PLXNA4: variants seen among roughly 807,000 people sequenced by gnomAD.
PLXNA4 encodes the protein plexin A4.
Under a neutral mutation model 191.8 loss-of-function variants are expected in PLXNA4, and 44 were observed. The observed-to-expected ratio is 0.23, with a 90% confidence interval of 0.18 to 0.29. The LOEUF is 0.29. Among genes scored for constraint, PLXNA4 ranks in the 10% least tolerant of loss-of-function variants. The pLI is 1.00. For missense variants in PLXNA4, 1,800 were observed against 2,488.8 expected, an observed-to-expected ratio of 0.72 and a Z score of 5.89; for synonymous variants, 1,082 against 1,009.5, an observed-to-expected ratio of 1.07 and a Z score of -1.36.
chr7:132,525,548 A>C (rs1050971168), intron 1 of PLXNA4, among the ~76,000 whole-genome samples: 2 of 152,216 alleles, frequency 1.3e-5, no homozygotes, highest in African/African-American at 4.8e-5. Context: ...GGTTTTTAAT[A>C]AAGATCCATT....
intron 20 of PLXNA4, among the ~76,000 whole-genome samples, chr7:132,177,790 G>A (rs1052083646): frequency 3.3e-5 from 5 of 152,182 alleles, no homozygotes; most frequent in Non-Finnish European, 5.9e-5. Context: ...ATTAAGCAGC[G>A]TAAATATAAT....
At chr7:132,578,743 C>T (rs961267313), upstream of PLXNA4, among the ~76,000 whole-genome samples, 1 of 152,138 alleles carries the variant, frequency 6.6e-6, no homozygotes, top group South Asian at 2.1e-4. Context: ...AAAGGATATT[C>T]CAGGAGACAG....
At chr7:132,189,017 A>AAAGGAAAG (rs1562909056) in intron 14 of PLXNA4, among the ~76,000 whole-genome samples, 81 of 89,576 alleles carry the variant, frequency 9.0e-4, no homozygotes, top group African/African-American at 3.0e-3. Context: ...AGAGAGAGAG[A>AAAGGAAAG]GAGAGAGAGA....
chr7:132,266,090 A>G (rs1269318069), intron 4 of PLXNA4, among the ~76,000 whole-genome samples: 1 of 152,110 alleles, frequency 6.6e-6, no homozygotes, highest in African/African-American at 2.4e-5. Flanking sequence ...CTGGGCTGGA[A>G]CCCAAACTGA....
At chr7:132,321,224 T>G (rs577948293) in intron 3 of PLXNA4, among the ~76,000 whole-genome samples, 2 of 152,306 alleles carry the variant, frequency 1.3e-5, no homozygotes, top group Admixed American at 6.5e-5. Context: ...TGGCAGGGGT[T>G]GGTTAAGTTA....
At chr7:132,177,347 T>C (rs1389447477) in intron 20 of PLXNA4, among the ~76,000 whole-genome samples, 5 of 152,222 alleles carry the variant, frequency 3.3e-5, no homozygotes, top group African/African-American at 1.2e-4. Context: ...TGAGTTTGTG[T>C]AGAGGACGTC....
At chr7:132,534,095 A>C (rs1369658116) in intron 1 of PLXNA4, among the ~76,000 whole-genome samples, 4 of 152,122 alleles carry the variant, frequency 2.6e-5, no homozygotes, top group Non-Finnish European at 5.9e-5. Flanking sequence ...GAAAAGAAAA[A>C]AGGCCAGTGA....
At chr7:132,513,685 G>GTTTTGTTTTGTTTTA (rs2116307983) in intron 1 of PLXNA4, among the ~76,000 whole-genome samples, 1 of 152,228 alleles carries the variant, frequency 6.6e-6, no homozygotes, top group African/African-American at 2.4e-5. Context: ...GTTTTGTTTT[G>GTTTTGTTTTGTTTTA]TTTTTGAGAT....
chr7:132,422,878 C>T (rs1442623986), intron 3 of PLXNA4, among the ~76,000 whole-genome samples: 3 of 152,208 alleles, frequency 2.0e-5, no homozygotes, highest in Non-Finnish European at 2.9e-5. Flanking sequence ...GATGGACAAA[C>T]GTGCTGGCCT....
chr7:132,438,814 T>C (rs1585135928), intron 3 of PLXNA4, among the ~76,000 whole-genome samples: 1 of 152,328 alleles, frequency 6.6e-6, no homozygotes, highest in East Asian at 1.9e-4. Context: ...CAATCATCCT[T>C]ATAGCTGATT....
intron 3 of PLXNA4, among the ~76,000 whole-genome samples, chr7:132,421,058 A>G (rs1794834075): frequency 1.3e-5 from 2 of 152,130 alleles, no homozygotes; most frequent in African/African-American, 4.8e-5. Context: ...TCATCTTCCC[A>G]AACTAAAACT....
At chr7:132,513,448 C>A (rs1029530515) in intron 1 of PLXNA4, among the ~76,000 whole-genome samples, 6 of 152,162 alleles carry the variant, frequency 3.9e-5, no homozygotes, top group Non-Finnish European at 7.3e-5. Flanking sequence ...TAAGGTCACA[C>A]ATAGTCACGT....
At chr7:132,561,327 TTCC>T (rs1207881828) in intron 1 of PLXNA4, among the ~76,000 whole-genome samples, 2 of 88,604 alleles carry the variant, frequency 2.3e-5, no homozygotes, top group Non-Finnish European at 4.7e-5. Flanking sequence ...TCTCCTCCTC[TTCC>T]TCCTCTTCCT....
intron 3 of PLXNA4, among the ~76,000 whole-genome samples, chr7:132,366,736 G>A (rs532692438): frequency 1.3e-5 from 2 of 152,262 alleles, no homozygotes; most frequent in East Asian, 3.9e-4. Context: ...GGAATATGAT[G>A]ATGAGAGCTT....
chr7:132,324,390 T>C (rs1802283838), intron 3 of PLXNA4, among the ~76,000 whole-genome samples: 1 of 152,232 alleles, frequency 6.6e-6, no homozygotes, highest in South Asian at 2.1e-4. Flanking sequence ...TTCCCCCCAA[T>C]GATAGATTGT....
At chr7:132,420,158 G>C (rs999516030) in intron 3 of PLXNA4, among the ~76,000 whole-genome samples, 3 of 152,188 alleles carry the variant, frequency 2.0e-5, no homozygotes, top group African/African-American at 7.2e-5. Context: ...TCAAGGTCAA[G>C]TCCACATTGC....
chr7:132,450,522 T>C (rs368947928), intron 3 of PLXNA4, among the ~76,000 whole-genome samples: 45 of 152,278 alleles, frequency 3.0e-4, no homozygotes, highest in African/African-American at 1.0e-3. Context: ...TACTGTTCTA[T>C]CAGCAGCCAG....
At chr7:132,563,134 TCC>T (rs1424205234) in intron 1 of PLXNA4, among the ~76,000 whole-genome samples, 2 of 96,932 alleles carry the variant, frequency 2.1e-5, no homozygotes, top group African/African-American at 3.9e-5. Context: ...CTCCTCCTCC[TCC>T]TTCTCCTCTT....
rs80269446 is a variant in PLXNA4 at position 132,365,020 on chromosome 7, C to T, written c.1372-66798G>A. On this transcript the variant is annotated intron_variant, in intron 3 of 31. Transcript: ENST00000321063. ...GTCCCCCTCCCTGGGGAAGACTGCA[C>T]CAAACTCTCCCTGACAGACGTCCAT... Among the ~76,000 whole-genome samples, 823 of 152,254 alleles carry T rather than the reference C, an allele frequency of 5.4e-3. 6 individuals are homozygous for T. The highest frequency in any genetic ancestry group is 0.019 in the African/African-American group (803 of 41,544).
Sources: allele counts gnomAD v4.1 joint callset (sites outside exome capture counted in the v4.1 genomes callset), GRCh38; gene constraint gnomAD v4.1.1; transcripts MANE v1.5; gene names NCBI Gene and HGNC (gene_info 2026-07-23, HGNC 2026-07-21).